SLC23A2: variants seen among roughly 807,000 people sequenced by gnomAD.
The protein encoded by SLC23A2 is Na(+)/L-ascorbic acid transporter 2.
SLC23A2 carries 36 observed loss-of-function variants against 73.3 expected under a neutral mutation model. The observed-to-expected ratio is 0.49, with a 90% CI of 0.38 to 0.65. SLC23A2 has a LOEUF of 0.65. Among genes scored for constraint, SLC23A2 ranks in the 30% least tolerant of loss-of-function variants. The pLI is 0.00. For missense variants in SLC23A2, 507 were observed against 841.6 expected (o/e 0.60, Z 4.92); for synonymous variants, 343 against 327.3 (o/e 1.05, Z -0.52).
At chr20:5,006,242 C>T (rs73612153), upstream of SLC23A2, among the ~76,000 whole-genome samples, 49 of 151,018 alleles carry the variant, frequency 3.2e-4, no homozygotes, top group East Asian at 5.9e-3. Context: ...GGATTACAGG[C>T]GCCTGCCACC....
chr20:4,861,525 T>C (rs1929963695), intron 15 of SLC23A2, among the ~76,000 whole-genome samples: 1 of 152,202 alleles, frequency 6.6e-6, no homozygotes, highest in Non-Finnish European at 1.5e-5. Context: ...AAAAGGTTAA[T>C]CTTGAATGCA....
chr20:4,867,737 A>C, intron 13 of SLC23A2, 33 bp downstream of exon 13: 1 of 1,256,818 alleles, frequency 8.0e-7, no homozygotes, highest in Non-Finnish European at 1.2e-6. Context: ...AATGCTTAGA[A>C]ACCCAATCAT....
rs571826299 is a variant in SLC23A2 at position 4,998,437 on chromosome 20, T to C, written c.-282+2969A>G. On this transcript the variant is annotated intron_variant, in intron 1 of 16. Transcript: ENST00000338244. This position sits in a 1 kb window ranked among gnomAD's most constrained non-coding sequence, Gnocchi z 4.1. ...CTGTGACGAAATAACAGGTTCAAAA[T>C]AGCAAAGCCACAGAGAAAATGAGAA... Among the ~76,000 whole-genome samples, 5 of 152,168 alleles carry C rather than the reference T, an allele frequency of 3.3e-5. No homozygotes were observed. The highest frequency in any genetic ancestry group is 9.6e-5 in the African/African-American group (4 of 41,506).
intron 11 of SLC23A2, 160 bp downstream of exon 11, chr20:4,873,776 G>A: frequency 1.6e-6 from 1 of 616,382 alleles, no homozygotes; most frequent in East Asian, 3.1e-5. Flanking sequence ...TGCCCTCTGG[G>A]GACAGGGCCT....
chr20:4,934,958 T>C (rs141852263), intron 2 of SLC23A2, among the ~76,000 whole-genome samples: 1,636 of 149,196 alleles, frequency 0.011, 28 homozygotes, highest in African/African-American at 0.038. Flanking sequence ...GAGGTGGAGG[T>C]GGGCAGATCA....
intron 3 of SLC23A2, among the ~76,000 whole-genome samples, chr20:4,913,730 G>A (rs1332032891): frequency 1.3e-5 from 2 of 151,972 alleles, no homozygotes; most frequent in East Asian, 1.9e-4. Context: ...AGGTTCAAGC[G>A]ATTCTCCTGC....
chr20:4,910,054 G>A (rs1932087587), intron 4 of SLC23A2, among the ~76,000 whole-genome samples: 1 of 152,112 alleles, frequency 6.6e-6, no homozygotes, highest in Non-Finnish European at 1.5e-5. Context: ...GCTCACACTG[G>A]GGCAATCCGG....
intron 3 of SLC23A2, among the ~76,000 whole-genome samples, chr20:4,914,934 G>T (rs967010237): frequency 6.6e-6 from 1 of 152,138 alleles, no homozygotes; most frequent in African/African-American, 2.4e-5. Context: ...CAGCTACTCA[G>T]GAGGCTGAGG....
At chr20:4,906,887 G>A (rs146667942) in intron 4 of SLC23A2, among the ~76,000 whole-genome samples, 4 of 152,194 alleles carry the variant, frequency 2.6e-5, no homozygotes, top group Non-Finnish European at 5.9e-5. Context: ...TTTGGGAGAG[G>A]GAAGGAATGC....
At chr20:4,938,654 TTGTCCAAA>T (rs998735080) in intron 2 of SLC23A2, among the ~76,000 whole-genome samples, 3 of 152,142 alleles carry the variant, frequency 2.0e-5, no homozygotes, top group African/African-American at 7.2e-5. Flanking sequence ...CTCTAAACAC[TTGTCCAAA>T]TGGTAAGTAG....
intron 9 of SLC23A2, among the ~76,000 whole-genome samples, chr20:4,878,847 C>T (rs1448887314): frequency 6.6e-6 from 1 of 152,180 alleles, no homozygotes; most frequent in Non-Finnish European, 1.5e-5. Context: ...ACCCCTGTCC[C>T]AGGACCACAG....
At position 4,862,932 on chromosome 20, in the gene SLC23A2, A is replaced by G. The variant is rs746242541; in HGVS notation, c.1357-25T>C. On this transcript the variant is annotated intron_variant, in intron 13 of 16. Transcript: ENST00000338244. The surrounding 1 kb of genome is among the most constrained non-coding windows in gnomAD (Gnocchi z 5.1). ...CCTGCAGAACACACAGGAGACTGGG[A>G]AACAGGGACTCATCTCCATGCAAAA... 1.3e-6 allele frequency: 2 copies of G among 1,594,858 alleles called. No individual in the cohort carries two copies. The highest frequency in any genetic ancestry group is 3.4e-5 in the Admixed American group (2 of 59,294).
chr20:4,873,817 C>T, intron 11 of SLC23A2, 119 bp downstream of exon 11: 2 of 1,009,280 alleles, frequency 2.0e-6, no homozygotes, highest in South Asian at 3.2e-5. Context: ...CTCTCCTGAC[C>T]AGAATGGCAA....
chr20:4,977,368 G>A (rs573770350), intron 1 of SLC23A2, among the ~76,000 whole-genome samples: 4 of 151,942 alleles, frequency 2.6e-5, no homozygotes, highest in South Asian at 4.2e-4. Context: ...TAATGAACAC[G>A]TATTATTATT....
rs371079874 is a variant in SLC23A2 at position 4,932,200 on chromosome 20, A to G, written c.108+255T>C. On this transcript the variant is annotated intron_variant, in intron 3 of 16. Coordinates refer to ENST00000338244, the MANE Select transcript of SLC23A2 (RefSeq NM_005116.6). The stretch of plus-strand genomic sequence containing the variant: ...CTTCAACATCCTCCAGGACACAGTA[A>G]GCACTGGGCTAGATTTAAAATGTTA... Among the ~76,000 whole-genome samples the G allele has an allele frequency of 5.5e-4, 84 of 152,310 alleles. No individual in the cohort carries two copies. The South Asian group carries it at 9.7e-3, about 18-fold the overall frequency.
intron 3 of SLC23A2, among the ~76,000 whole-genome samples, chr20:4,931,924 T>C (rs1460911905): frequency 6.6e-6 from 1 of 152,222 alleles, no homozygotes; most frequent in Non-Finnish European, 1.5e-5. Context: ...TTTATACAAA[T>C]CAAGTCATCG....
chr20:4,986,687 C>CAG (rs546826623), intron 1 of SLC23A2, among the ~76,000 whole-genome samples: 1 of 64,144 alleles, frequency 1.6e-5, no homozygotes, highest in African/African-American at 3.8e-5. Context: ...CACACACACA[C>CAG]ACAGAGATGA....
At position 4,902,536 on chromosome 20, in the gene SLC23A2, T is replaced by C; in HGVS notation, c.230A>G (p.Asp77Gly). Residue 77 changes from aspartate (D) to glycine (G), a missense_variant, in exon 5 of 17, where the codon GAT (aspartate) becomes GGT (glycine). Asp to Gly is a moderately conservative substitution (Grantham distance 94). Coordinates refer to ENST00000338244, the MANE Select transcript of SLC23A2 (RefSeq NM_005116.6). This position sits in a 1 kb window ranked among gnomAD's most constrained non-coding sequence, Gnocchi z 4.0. ...AEKSSLAETL[D>G]STGSLDPQRS... ...CTGGGGGTCCAGACTGCCAGTGCTATCCAGGGTCTCAGCGAGAGAGCTCTG... is the reference window on the plus strand; with the variant it reads ...CTGGGGGTCCAGACTGCCAGTGCTACCCAGGGTCTCAGCGAGAGAGCTCTG... 6.2e-7 allele frequency: 1 copy of C among 1,610,112 alleles called. No homozygotes were observed. The highest frequency in any genetic ancestry group is 8.5e-7 in the Non-Finnish European group (1 of 1,177,700).
chr20:4,901,270 C>T (rs933279035), intron 5 of SLC23A2, among the ~76,000 whole-genome samples: 10 of 152,236 alleles, frequency 6.6e-5, no homozygotes, highest in Non-Finnish European at 1.5e-4. Flanking sequence ...ACTGGAAACT[C>T]AACCAAAGTA....
Sources: allele counts gnomAD v4.1 joint callset (sites outside exome capture counted in the v4.1 genomes callset), GRCh38; gene constraint gnomAD v4.1.1; non-coding constraint Gnocchi (gnomAD v3.1); transcripts MANE v1.5; gene names NCBI Gene and HGNC (gene_info 2026-07-23, HGNC 2026-07-21).